The following TTYH3 variants were observed in gnomAD, a reference collection of about 807,000 sequenced individuals.
TTYH3 encodes protein tweety homolog 3.
In TTYH3, 23 loss-of-function variants were observed where a neutral mutation model predicts 68.2. That is an observed-to-expected ratio of 0.34 (90% confidence interval 0.24 to 0.48). The LOEUF (loss-of-function observed/expected upper bound fraction) is 0.48. Among genes scored for constraint, TTYH3 ranks in the 20% least tolerant of loss-of-function variants. The pLI is 0.99. For missense variants in TTYH3, 768 were observed against 727.7 expected, an observed-to-expected ratio of 1.06 and a Z score of -0.64; for synonymous variants, 360 against 332.8, an observed-to-expected ratio of 1.08 and a Z score of -0.89.
At chr7:2,650,605 C>T (rs998945009) in intron 7 of TTYH3, among the ~76,000 whole-genome samples, 20 of 151,620 alleles carry the variant, frequency 1.3e-4, no homozygotes, top group African/African-American at 3.2e-4. Flanking sequence ...GCCAGAAGGA[C>T]GCTGCATCTC....
chr7:2,654,339 G>A (rs1169526127), intron 9 of TTYH3, among the ~76,000 whole-genome samples: 5 of 152,082 alleles, frequency 3.3e-5, no homozygotes, highest in Non-Finnish European at 1.5e-5. Context: ...AAGCTGCAGT[G>A]AGCTGTGATG....
At position 2,645,927 on chromosome 7, in the gene TTYH3, G is replaced by A. The variant is rs748567708; in HGVS notation, c.124-926G>A. ...GCCTGAGACGGGGACGGGCTCTGGG[G>A]TCCTGGGGCTGTCTCGGGCTGGGGG... On this transcript the variant is annotated intron_variant, in intron 1 of 13. Transcript: ENST00000258796. The surrounding 1 kb of genome is among the most constrained non-coding windows in gnomAD (Gnocchi z 4.8). 4 of 459,498 alleles carry A rather than the reference G, an allele frequency of 8.7e-6. No individual in the cohort carries two copies. Among genetic ancestry groups the A allele is most frequent in the Non-Finnish European group, 1.8e-5 (4 of 220,288 alleles). The allele number at this position is 459,498 out of a possible 1,614,324, so 28.5% of individuals were successfully genotyped here.
At chr7:2,642,546 A>G (rs901072229) in intron 1 of TTYH3, among the ~76,000 whole-genome samples, 3 of 149,724 alleles carry the variant, frequency 2.0e-5, no homozygotes, top group African/African-American at 7.3e-5. Flanking sequence ...TCAAAAAAAA[A>G]AAAAAAAAAA....
At chr7:2,648,855 G>A (rs1786075303) in intron 5 of TTYH3, among the ~76,000 whole-genome samples, 1 of 152,008 alleles carries the variant, frequency 6.6e-6, no homozygotes, top group Admixed American at 6.5e-5. Flanking sequence ...CAGACAGGAA[G>A]GATGACAGTG....
intron 13 of TTYH3, 150 bp from the exon 14 acceptor site, chr7:2,661,518 C>T: frequency 1.3e-6 from 1 of 775,112 alleles, no homozygotes. Flanking sequence ...TCCTTAGCCC[C>T]TCCCTATAGG....
rs1786036121 is a variant in TTYH3, at chr7:2,647,632, G to C, written c.620G>C (p.Trp207Ser). 1 of 1,565,622 alleles carries C rather than the reference G, an allele frequency of 6.4e-7. No homozygotes were observed. The highest frequency in any genetic ancestry group is 8.7e-7 in the Non-Finnish European group (1 of 1,155,244). Residue 207 changes from tryptophan to serine, a missense_variant, in exon 4 of 14, where the codon TGG (tryptophan) becomes TCG (serine). Transcript: ENST00000258796. ...GCGGAGCAGGTGGATCTCTACGACT[G>C]GTACAGGTGCGGCCAGGCCCTCTTC... ...VLAEQVDLYD[W>S]YRWLGYLGLL...
intron 4 of TTYH3, 21 bp from the exon 5 acceptor site, chr7:2,647,938 C>T: frequency 6.2e-7 from 1 of 1,604,008 alleles, no homozygotes; most frequent in East Asian, 2.2e-5. Flanking sequence ...TGCCCTGGCG[C>T]ACTCCCAGGT....
chr7:2,634,604 G>A (rs1785610151), intron 1 of TTYH3, among the ~76,000 whole-genome samples: 1 of 152,016 alleles, frequency 6.6e-6, no homozygotes, highest in Non-Finnish European at 1.5e-5. Flanking sequence ...GGGAGTTGGG[G>A]GTGTGGCACG....
At chr7:2,647,784 G>A in intron 4 of TTYH3, 146 bp downstream of exon 4, 1 of 1,083,082 alleles carries the variant, frequency 9.2e-7, no homozygotes, top group Non-Finnish European at 1.3e-6. Flanking sequence ...AGTGGCTGGA[G>A]TTCCCCTAAT....
At position 2,652,125 on chromosome 7, in the gene TTYH3, C is replaced by T. The variant is rs375479062; in HGVS notation, c.872-62C>T. On this transcript the variant is annotated intron_variant, in intron 7 of 13. Coordinates refer to ENST00000258796, the MANE Select transcript of TTYH3 (RefSeq NM_025250.3). ...AGATATGCGTGCAGACACAGGCAGA[C>T]GTGCACGCAGTCTCACAGGGACAGC... 349 of 1,429,062 alleles carry T rather than the reference C, an allele frequency of 2.4e-4. 1 individual carries two copies. The highest frequency in any genetic ancestry group is 2.5e-4 in the Non-Finnish European group (253 of 1,013,388). The allele number at this position is 1,429,062 out of a possible 1,614,324, so 88.5% of individuals were successfully genotyped here. A position where few individuals can be genotyped will look rare whatever the true frequency, so the allele number is the denominator to read the frequency against.
chr7:2,661,750 G>T lies in TTYH3; in HGVS notation c.*11G>T. The T allele has an allele frequency of 1.2e-6, 2 of 1,607,724 alleles. No homozygotes were observed. The stretch of plus-strand genomic sequence containing the variant: ...AGCGGCAGCCACTAGACCGCGCCCG[G>T]CAGCCACCCACCCCACGTGCCAACT... On this transcript the variant is annotated 3_prime_UTR_variant, in exon 14 of 14. Transcript: ENST00000258796.
In TTYH3 at chr7:2,652,169, C is replaced by A; in HGVS notation, c.872-18C>A. Reference sequence around the variant, plus strand: ...GGACAGCTGTTGCAGCTCAGCCTTCCCTGATGTCTCTCCGCAGACATCCTG... The same window carrying A: ...GGACAGCTGTTGCAGCTCAGCCTTCACTGATGTCTCTCCGCAGACATCCTG... On this transcript the variant is annotated intron_variant, in intron 7 of 13. Transcript: ENST00000258796. The A allele has an allele frequency of 6.2e-7, 1 of 1,613,002 alleles. No individual in the cohort carries two copies. The highest frequency in any genetic ancestry group is 1.1e-5 in the South Asian group (1 of 91,068).
rs1786530558 is a variant in TTYH3 at position 2,662,858 on chromosome 7, A to C, written c.*1119A>C. On this transcript the variant is annotated 3_prime_UTR_variant, in exon 14 of 14. Coordinates refer to ENST00000258796, the MANE Select transcript of TTYH3 (RefSeq NM_025250.3). ...GTCAAGGCTGCAGTAGCGTTTCTTCATGGGGTGCTCCAGGGGGTGCCACAG... is the reference window on the plus strand; with the variant it reads ...GTCAAGGCTGCAGTAGCGTTTCTTCCTGGGGTGCTCCAGGGGGTGCCACAG... 1 of 152,472 alleles carries C rather than the reference A, an allele frequency of 6.6e-6. No homozygotes were observed. The highest frequency in any genetic ancestry group is 1.5e-5 in the Non-Finnish European group (1 of 68,128). The allele number at this position is 152,472 out of a possible 1,614,324, so 9.4% of individuals were successfully genotyped here.
chr7:2,655,027 C>T (rs1241876893), intron 9 of TTYH3, among the ~76,000 whole-genome samples: 1 of 152,216 alleles, frequency 6.6e-6, no homozygotes, highest in Non-Finnish European at 1.5e-5. Context: ...TCTTTAAAGG[C>T]TGTGTCTCCA....
chr7:2,651,737 T>C (rs1209416726), intron 7 of TTYH3, among the ~76,000 whole-genome samples: 1 of 152,050 alleles, frequency 6.6e-6, no homozygotes, highest in African/African-American at 2.4e-5. Context: ...TTTGAACTTT[T>C]AAAATGTTTT....
chr7:2,639,438 C>T (rs566726984), intron 1 of TTYH3, among the ~76,000 whole-genome samples: 2 of 152,350 alleles, frequency 1.3e-5, no homozygotes, highest in African/African-American at 4.8e-5. Context: ...GTGACCGCCT[C>T]ATTCCTCTTC....
intron 7 of TTYH3, among the ~76,000 whole-genome samples, chr7:2,650,721 C>T (rs1386660082): frequency 6.6e-6 from 1 of 151,858 alleles, no homozygotes; most frequent in East Asian, 1.9e-4. Context: ...CAGGGGGAGG[C>T]CATTGGAGGG....
chr7:2,648,335 C>T (rs1786058864), intron 5 of TTYH3: 2 of 397,754 alleles, frequency 5.0e-6, no homozygotes, highest in African/African-American at 2.1e-5. Context: ...AGCAACCTGC[C>T]CAGGTCTCCG....
Position 2,645,133 on chromosome 7 carries a change from C to A in TTYH3, c.124-1720C>A, listed in dbSNP as rs1269895027. 6.6e-6 allele frequency among the ~76,000 whole-genome samples: 1 copy of A among 151,462 alleles called. No individual in the cohort carries two copies. The highest frequency in any genetic ancestry group is 2.4e-5 in the African/African-American group (1 of 41,204). ...CCAGCTGCTGACACCCCCCAGGGCA[C>A]CCCCAAGTTAGCCTCTAGGTGGTCC... On this transcript the variant is annotated intron_variant, in intron 1 of 13. Coordinates refer to ENST00000258796, the MANE Select transcript of TTYH3 (RefSeq NM_025250.3). The surrounding 1 kb of genome is among the most constrained non-coding windows in gnomAD (Gnocchi z 4.8).
Sources: gnomAD v4.1 joint callset for allele counts (sites outside exome capture counted in the v4.1 genomes callset) on GRCh38, gnomAD v4.1.1 for gene constraint, Gnocchi (gnomAD v3.1) non-coding constraint, MANE v1.5 for transcripts, NCBI Gene and HGNC (gene_info 2026-07-23, HGNC 2026-07-21) for gene names.